Variants in NFXL1 observed in about 807,000 individuals in gnomAD.
NFXL1 encodes NF-X1-type zinc finger protein NFXL1.
Under a neutral mutation model 123.3 loss-of-function variants are expected in NFXL1, and 66 were observed. The ratio of observed to expected loss-of-function variants is 0.54; its 90% CI spans 0.44 to 0.66. The LOEUF is 0.66. NFXL1 is among the 30% of genes least tolerant of loss of function. The probability of loss-of-function intolerance (pLI) is 0.00; values close to 1 mark genes in which losing one functional copy is unlikely to be tolerated. For missense variants in NFXL1, 944 were observed against 1,125.6 expected, an observed-to-expected ratio of 0.84 and a Z score of 2.31; for synonymous variants, 346 against 360.8, an observed-to-expected ratio of 0.96 and a Z score of 0.46.
chr4:47,884,594 T>C (rs1337905545), intron 14 of NFXL1, among the ~76,000 whole-genome samples, 157 bp from the exon 15 acceptor site: 1 of 152,214 alleles, frequency 6.6e-6, no homozygotes, highest in African/African-American at 2.4e-5. Context: ...TTTCATTTTA[T>C]CTGTATTAAA....
intron 22 of NFXL1, among the ~76,000 whole-genome samples, chr4:47,848,866 G>A (rs574608647): frequency 3.2e-4 from 49 of 152,178 alleles, no homozygotes; most frequent in Non-Finnish European, 5.3e-4. Flanking sequence ...TCCAGCCTGG[G>A]CAACAGAGAG....
chr4:47,891,953 G>T (rs942082727), intron 11 of NFXL1, among the ~76,000 whole-genome samples: 1 of 151,840 alleles, frequency 6.6e-6, no homozygotes, highest in Non-Finnish European at 1.5e-5. Context: ...AAAAAAAGAG[G>T]CAATATAGTT....
At position 47,885,401 on chromosome 4, in the gene NFXL1, A is replaced by G. The variant is rs907601255; in HGVS notation, c.1824+97T>C. 3.8e-5 allele frequency: 38 copies of G among 1,002,280 alleles called. No homozygotes were observed. In the South Asian group the frequency reaches 4.8e-4, roughly 13 times the overall value. The allele number at this position is 1,002,280 out of a possible 1,614,324, so 62.1% of individuals were successfully genotyped here. A position where few individuals can be genotyped will look rare whatever the true frequency, so the allele number is the denominator to read the frequency against. On this transcript the variant is annotated intron_variant, in intron 14 of 22. Coordinates refer to ENST00000507489, the MANE Select transcript of NFXL1 (RefSeq NM_001278624.2). ...CCTGCTCCAAGCACAGTGCTTCCCA[A>G]TAAGTGCTTAATCATTGCTCATTGA...
At chr4:47,858,012 G>A (rs905048194) in intron 19 of NFXL1, among the ~76,000 whole-genome samples, 1 of 151,990 alleles carries the variant, frequency 6.6e-6, no homozygotes, top group Non-Finnish European at 1.5e-5. Flanking sequence ...CCATAAGTAA[G>A]CCAAAATTGA....
Position 47,885,997 on chromosome 4 carries a change from T to G in NFXL1, c.1546A>C (p.Ser516Arg). 1.2e-6 allele frequency: 2 copies of G among 1,605,660 alleles called. No individual in the cohort carries two copies. The highest frequency in any genetic ancestry group is 1.7e-6 in the Non-Finnish European group (2 of 1,177,678). The change falls in exon 13 of 23, where the codon AGT becomes CGT. Residue 516 changes from serine (S) to arginine (R), a missense_variant and splice_region_variant. Ser to Arg is a moderately radical substitution (Grantham distance 110). Coordinates refer to ENST00000507489, the MANE Select transcript of NFXL1 (RefSeq NM_001278624.2). ...HKCPSVCHRG[S>R]CYPCPETVDV... ...ACGGTTTCTGGGCAGGGATAGCAAC[T>G]GCCTGAAAAAAAAGTCTGACAATTA...
Position 47,886,104 on chromosome 4 carries a change from A to G in NFXL1, c.1544-105T>C, listed in dbSNP as rs1736413896. On this transcript the variant is annotated intron_variant, in intron 12 of 22. Transcript: ENST00000507489. Reference sequence around the variant, plus strand: ...TATTCACACAATGGGATACTCTACAACAAGAATGAAGAAACTACAACAACA... The same window carrying G: ...TATTCACACAATGGGATACTCTACAGCAAGAATGAAGAAACTACAACAACA... 4 of 1,000,252 alleles carry G rather than the reference A, an allele frequency of 4.0e-6. No homozygotes were observed. The South Asian group carries it at 4.8e-5, about 12-fold the overall frequency. The allele number at this position is 1,000,252 out of a possible 1,614,324, so 62.0% of individuals were successfully genotyped here. A position where few individuals can be genotyped will look rare whatever the true frequency, so the allele number is the denominator to read the frequency against.
Position 47,910,973 on chromosome 4 carries a change from A to G in NFXL1, c.257T>C (p.Phe86Ser). The G allele has an allele frequency of 6.2e-7, 1 of 1,600,364 alleles. No individual in the cohort carries two copies. Among genetic ancestry groups the G allele is most frequent in the Non-Finnish European group, 8.5e-7 (1 of 1,174,616 alleles). The stretch of plus-strand genomic sequence containing the variant: ...TTGGTTAGCTTTCTTGATTTCTTCA[A>G]ATTTTTTCTGAGACATTAGCTCTGT... ...AASELMSQKK[F>S]EEIKKANQAA... Residue 86 changes from phenylalanine (F) to serine (S), a missense_variant, in exon 3 of 23, where the codon TTT becomes TCT. Around this residue, in one of 4 missense-constraint regions of NFXL1, gnomAD observed 303 missense variants for 292.1 expected, o/e 1.04. Coordinates refer to ENST00000507489, the MANE Select transcript of NFXL1 (RefSeq NM_001278624.2).
At chr4:47,871,030 T>G (rs1735396391) in intron 18 of NFXL1, among the ~76,000 whole-genome samples, 1 of 152,104 alleles carries the variant, frequency 6.6e-6, no homozygotes, top group Admixed American at 6.5e-5. Flanking sequence ...AAATGTCAAT[T>G]AATAAATGTA....
intron 22 of NFXL1, among the ~76,000 whole-genome samples, chr4:47,848,580 T>C (rs1733940349): frequency 6.6e-6 from 1 of 152,134 alleles, no homozygotes; most frequent in Non-Finnish European, 1.5e-5. Flanking sequence ...GGGCTGACTA[T>C]GATACTAAAT....
intron 15 of NFXL1, among the ~76,000 whole-genome samples, chr4:47,882,927 G>A (rs1181905395): frequency 6.6e-6 from 1 of 152,036 alleles, no homozygotes; most frequent in Non-Finnish European, 1.5e-5. Context: ...TAGCCTAATT[G>A]TTCTGGCTAA....
Position 47,868,810 on chromosome 4 carries a change from T to C in NFXL1, c.2247-5895A>G, listed in dbSNP as rs1002604485. On this transcript the variant is annotated intron_variant, in intron 18 of 22. Transcript: ENST00000507489. ...AAGAATTCAAGCCAAAAGTATTAAA[T>C]GTAACAAAGGATACCTTTCAATGCT... Among the ~76,000 whole-genome samples the C allele has an allele frequency of 4.6e-5, 7 of 152,216 alleles. No homozygotes were observed. The South Asian group carries it at 1.2e-3, about 27-fold the overall frequency.
At chr4:47,854,706 G>T (rs1284847776) in intron 20 of NFXL1, among the ~76,000 whole-genome samples, 1 of 152,000 alleles carries the variant, frequency 6.6e-6, no homozygotes, top group Non-Finnish European at 1.5e-5. Context: ...CTTAAGCAAT[G>T]AAACATTCTA....
intron 15 of NFXL1, among the ~76,000 whole-genome samples, chr4:47,882,544 T>C (rs1362169807): frequency 6.6e-6 from 1 of 152,230 alleles, no homozygotes; most frequent in African/African-American, 2.4e-5. Flanking sequence ...TATAGAGCTG[T>C]TCTACTTCCA....
At chr4:47,893,050 T>C (rs1736870111) in intron 11 of NFXL1, among the ~76,000 whole-genome samples, 1 of 152,114 alleles carries the variant, frequency 6.6e-6, no homozygotes, top group South Asian at 2.1e-4. Flanking sequence ...ATCCAACTTC[T>C]AGAGATGAAA....
chr4:47,890,912 T>C (rs1163918829), intron 11 of NFXL1, among the ~76,000 whole-genome samples: 1 of 152,192 alleles, frequency 6.6e-6, no homozygotes, highest in East Asian at 1.9e-4. Context: ...TAAATTTTCC[T>C]GACTTTCAGT....
intron 3 of NFXL1, 24 bp downstream of exon 3, chr4:47,910,793 CGTCAAAA>C: frequency 7.1e-7 from 1 of 1,409,958 alleles, no homozygotes; most frequent in Non-Finnish European, 9.5e-7. Flanking sequence ...GTTTCATTGA[CGTCAAAA>C]GTCAAAATTT....
rs1247981887 is a variant in NFXL1, at chr4:47,914,017, T to C, written c.187A>G (p.Arg63Gly). The C allele has an allele frequency of 5.8e-6, 9 of 1,548,722 alleles. No individual in the cohort carries two copies. The highest frequency in any genetic ancestry group is 7.8e-6 in the Non-Finnish European group (9 of 1,146,906). The change falls in exon 2 of 23, where the codon AGG (arginine) becomes GGG (glycine). Residue 63 changes from arginine (R) to glycine (G), a missense_variant. Arg to Gly is a moderately radical substitution (Grantham distance 125). Around this residue, in one of 4 missense-constraint regions of NFXL1, gnomAD observed 303 missense variants for 292.1 expected, o/e 1.04. Transcript: ENST00000507489. The stretch of plus-strand genomic sequence containing the variant: ...GCTTGGGATCCTGCGGGGCTGTGCC[T>C]GCTCCCTGCAGCCGCCGTGGTCGCG... ...GVATTAAAGSRHSPAGSQALQ... is the reference protein window; with the variant it reads ...GVATTAAAGSGHSPAGSQALQ...
intron 19 of NFXL1, among the ~76,000 whole-genome samples, chr4:47,861,167 T>A (rs1734746890): frequency 6.6e-6 from 1 of 152,150 alleles, no homozygotes; most frequent in Non-Finnish European, 1.5e-5. Flanking sequence ...GGCCCAGCAA[T>A]CTGTGTTTTA....
At chr4:47,898,156 C>CATTTT in intron 8 of NFXL1, 75 bp from the exon 9 acceptor site, 2 of 842,332 alleles carry the variant, frequency 2.4e-6, no homozygotes, top group South Asian at 3.5e-5. Context: ...AGACACAATC[C>CATTTT]ATTTTTCAAT....
Sources: gnomAD v4.1 joint callset for allele counts (sites outside exome capture counted in the v4.1 genomes callset) on GRCh38, gnomAD v4.1.1 for gene constraint, gnomAD v4.1.1 regional missense constraint, MANE v1.5 for transcripts, NCBI Gene and HGNC (gene_info 2026-07-23, HGNC 2026-07-21) for gene names.